Variants in PAK1 observed in about 807,000 individuals in gnomAD.
The protein encoded by PAK1 is p21 (RAC1) activated kinase 1.
PAK1 carries 29 observed loss-of-function variants against 67.4 expected under a neutral mutation model. The observed-to-expected ratio is 0.43, with a 90% CI of 0.32 to 0.59. The LOEUF is 0.59. Among genes scored for constraint, PAK1 ranks in the 20% least tolerant of loss-of-function variants. The pLI, the probability that PAK1 is intolerant of heterozygous loss-of-function variation, is 0.07. For synonymous variants in PAK1, 223 were observed against 237.4 expected, an observed-to-expected ratio of 0.94 and a Z score of 0.56; for missense variants, 337 against 670.7, an observed-to-expected ratio of 0.50 and a Z score of 5.50.
At chr11:77,495,310 C>G in the PAK1 span, among the ~76,000 whole-genome samples, 1 of 151,404 alleles carries the variant, frequency 6.6e-6, no homozygotes, top group Admixed American at 6.6e-5. Flanking sequence ...CCCATCTCCA[C>G]TAAAAATACA....
At chr11:77,477,846 C>G (rs1463637784), upstream of PAK1, among the ~76,000 whole-genome samples, 1 of 152,160 alleles carries the variant, frequency 6.6e-6, no homozygotes, top group Non-Finnish European at 1.5e-5. Flanking sequence ...TCACTTAAGC[C>G]TAGGAGGTCG....
chr11:77,394,536 C>G (rs1298063226), intron 1 of PAK1, among the ~76,000 whole-genome samples: 1 of 152,024 alleles, frequency 6.6e-6, no homozygotes, highest in Non-Finnish European at 1.5e-5. Context: ...TTAGAACACA[C>G]TACTCTTCTA....
At position 77,349,300 on chromosome 11, in the gene PAK1, G is replaced by A. The variant is rs1373765658; in HGVS notation, c.837-13C>T. On this transcript the variant is annotated splice_polypyrimidine_tract_variant and intron_variant, in intron 8 of 14. Transcript: ENST00000356341. ...GGTGCCTGAAGCACTGAACAGTAAG[G>A]TGGCGGAGAAAGAGGGAAAAAAACA... is the stretch of plus-strand genomic sequence containing the variant. The A allele has an allele frequency of 2.5e-6, 4 of 1,593,772 alleles. No individual in the cohort carries two copies. In the Admixed American group the frequency reaches 5.2e-5, roughly 21 times the overall value.
intron 5 of PAK1, among the ~76,000 whole-genome samples, chr11:77,367,848 T>C (rs1947818953): frequency 6.6e-6 from 1 of 152,048 alleles, no homozygotes; most frequent in African/African-American, 2.4e-5. Flanking sequence ...GGCATGGTGG[T>C]GCGTGCCTGC....
At chr11:77,461,282 G>C (rs1189414820) in intron 1 of PAK1, among the ~76,000 whole-genome samples, 1 of 152,176 alleles carries the variant, frequency 6.6e-6, no homozygotes, top group Non-Finnish European at 1.5e-5. Flanking sequence ...ACTTGGCTAG[G>C]CTATAGTCCC....
At chr11:77,430,650 G>A (rs527528775) in intron 1 of PAK1, among the ~76,000 whole-genome samples, 1 of 152,354 alleles carries the variant, frequency 6.6e-6, no homozygotes, top group South Asian at 2.1e-4. Flanking sequence ...ATGGACTCTA[G>A]AGTTAGATCC....
intron 1 of PAK1, among the ~76,000 whole-genome samples, chr11:77,395,321 T>C (rs1951695038): frequency 6.6e-6 from 1 of 152,208 alleles, no homozygotes; most frequent in Non-Finnish European, 1.5e-5. Context: ...TCCTCAAATG[T>C]TGGGCCCAAT....
intron 1 of PAK1, among the ~76,000 whole-genome samples, chr11:77,452,570 T>C (rs545209022): frequency 6.6e-6 from 1 of 152,216 alleles, no homozygotes; most frequent in South Asian, 2.1e-4. Context: ...AACTAGTCTA[T>C]GAGAAGCAGT....
chr11:77,481,667 C>T, the PAK1 span, among the ~76,000 whole-genome samples: 4 of 105,468 alleles, frequency 3.8e-5, no homozygotes, highest in Non-Finnish European at 5.1e-5. Context: ...GAGGGAGACT[C>T]CATCTCAAAA....
At chr11:77,448,390 T>C (rs748037209) in intron 1 of PAK1, among the ~76,000 whole-genome samples, 41 of 152,136 alleles carry the variant, frequency 2.7e-4, no homozygotes, top group Admixed American at 1.2e-3. Flanking sequence ...TAAGGAGAGG[T>C]AGAATATACA....
At chr11:77,385,693 T>A (rs1950358490) in intron 2 of PAK1, among the ~76,000 whole-genome samples, 1 of 151,898 alleles carries the variant, frequency 6.6e-6, no homozygotes, top group South Asian at 2.1e-4. Flanking sequence ...CCGCCTCTAC[T>A]AAAAAATACA....
chr11:77,459,608 T>C (rs1485022502), intron 1 of PAK1, among the ~76,000 whole-genome samples: 1 of 151,258 alleles, frequency 6.6e-6, no homozygotes, highest in Non-Finnish European at 1.5e-5. Flanking sequence ...GTCAAATAAA[T>C]ACAGAATCAC....
intron 1 of PAK1, among the ~76,000 whole-genome samples, chr11:77,439,911 A>G (rs1177979934): frequency 6.6e-6 from 1 of 152,224 alleles, no homozygotes; most frequent in Non-Finnish European, 1.5e-5. Flanking sequence ...CTGGCTTCTC[A>G]GGTCACACAA....
At chr11:77,403,144 C>T (rs1367199924) in intron 1 of PAK1, among the ~76,000 whole-genome samples, 1 of 152,202 alleles carries the variant, frequency 6.6e-6, no homozygotes, top group Non-Finnish European at 1.5e-5. Context: ...ATTTTCAGTG[C>T]CATTTCCAAA....
At chr11:77,400,072 T>C (rs1952460090) in intron 1 of PAK1, among the ~76,000 whole-genome samples, 1 of 152,128 alleles carries the variant, frequency 6.6e-6, no homozygotes, top group Non-Finnish European at 1.5e-5. Context: ...ACATTAATGC[T>C]TGAACTCTAC....
chr11:77,328,876 T>TA (rs1227247675), intron 14 of PAK1, among the ~76,000 whole-genome samples: 1 of 152,044 alleles, frequency 6.6e-6, no homozygotes, highest in Non-Finnish European at 1.5e-5. Context: ...ACAAAATTGA[T>TA]AGACCGCTAG....
At chr11:77,502,724 G>T in the PAK1 span, among the ~76,000 whole-genome samples, 1 of 152,114 alleles carries the variant, frequency 6.6e-6, no homozygotes, top group Non-Finnish European at 1.5e-5. Flanking sequence ...CTCGCCAGCA[G>T]CTGTCCCACT....
chr11:77,343,502 T>C (rs1448280323), intron 10 of PAK1, among the ~76,000 whole-genome samples: 3 of 152,026 alleles, frequency 2.0e-5, no homozygotes, highest in Non-Finnish European at 4.4e-5. Flanking sequence ...AAGGAAAGAT[T>C]TGGGATGTAA....
intron 1 of PAK1, among the ~76,000 whole-genome samples, chr11:77,428,619 C>T (rs1277415928): frequency 3.3e-5 from 5 of 149,908 alleles, no homozygotes; most frequent in Non-Finnish European, 5.9e-5. Flanking sequence ...GGCAGCCCAA[C>T]ACTGTGGTCA....
Sources: allele counts gnomAD v4.1 joint callset (sites outside exome capture counted in the v4.1 genomes callset), GRCh38; gene constraint gnomAD v4.1.1; transcripts MANE v1.5; gene names NCBI Gene and HGNC (gene_info 2026-07-23, HGNC 2026-07-21).